The following GRID2 variants were observed in gnomAD, a reference collection of about 807,000 sequenced individuals.
GRID2 encodes glutamate receptor ionotropic, delta-2.
GRID2 carries 33 observed loss-of-function variants against 114.8 expected under a neutral mutation model. That is an observed-to-expected ratio of 0.29 (90% CI 0.22 to 0.38). The LOEUF is 0.38. Ranked by LOEUF, GRID2 falls within the 10% of genes least tolerant of loss-of-function variation. GRID2 has a pLI of 1.00. For synonymous variants in GRID2, 505 were observed against 449.9 expected (o/e 1.12, Z -1.55); for missense variants, 1,184 against 1,257.7 (o/e 0.94, Z 0.89).
chr4:92,408,431 C>CTTTTTTT (rs35638036), intron 1 of GRID2, among the ~76,000 whole-genome samples: 13 of 19,422 alleles, frequency 6.7e-4, no homozygotes, highest in Non-Finnish European at 7.9e-4. Flanking sequence ...TATTCAAGCT[C>CTTTTTTT]TTTTTTTTTT....
chr4:92,596,953 G>A (rs188308169), intron 2 of GRID2, among the ~76,000 whole-genome samples: 3 of 152,140 alleles, frequency 2.0e-5, no homozygotes, highest in Admixed American at 1.3e-4. Flanking sequence ...CCATGAAAAA[G>A]CATGCCGTTC....
intron 8 of GRID2, among the ~76,000 whole-genome samples, chr4:93,355,498 G>A (rs560536693): frequency 4.4e-4 from 67 of 152,202 alleles, no homozygotes; most frequent in African/African-American, 1.5e-3. Flanking sequence ...TCAAGAGCAA[G>A]TGTTCCAAGA....
At chr4:92,575,694 C>T (rs1054043694) in intron 1 of GRID2, among the ~76,000 whole-genome samples, 1 of 152,164 alleles carries the variant, frequency 6.6e-6, no homozygotes. Context: ...TGACTGGTTG[C>T]CAGCCTGAAC....
chr4:92,921,074 C>A (rs1164700711), intron 2 of GRID2, among the ~76,000 whole-genome samples: 1 of 152,058 alleles, frequency 6.6e-6, no homozygotes, highest in South Asian at 2.1e-4. Flanking sequence ...CTCTAAACTT[C>A]TCTTTTAGCT....
chr4:93,091,833 A>G (rs542001942), intron 3 of GRID2, among the ~76,000 whole-genome samples: 8 of 152,256 alleles, frequency 5.3e-5, no homozygotes, highest in Admixed American at 4.6e-4. Context: ...CTGAAACATA[A>G]TTGAGTCCAA....
Position 92,595,421 on chromosome 4 carries a change from C to G in GRID2, c.244+5135C>G, listed in dbSNP as rs567227641. On this transcript the variant is annotated intron_variant, in intron 2 of 15. Transcript: ENST00000282020. ...TGTTGTGATGCTGGAAATATGAACA[C>G]AAAATAAATGATATTTTTAATATAT... is the stretch of plus-strand genomic sequence containing the variant. Among the ~76,000 whole-genome samples the G allele has an allele frequency of 2.0e-5, 3 of 151,814 alleles. No homozygotes were observed. In the South Asian group the frequency reaches 6.2e-4, roughly 32 times the overall value.
chr4:93,566,712 G>A (rs1735457894), intron 13 of GRID2, among the ~76,000 whole-genome samples: 1 of 152,106 alleles, frequency 6.6e-6, no homozygotes, highest in African/African-American at 2.4e-5. Flanking sequence ...GGGGGTTGCA[G>A]TGAGCCAAGC....
intron 10 of GRID2, among the ~76,000 whole-genome samples, chr4:93,434,466 A>T (rs1285909043): frequency 6.6e-6 from 1 of 152,112 alleles, no homozygotes; most frequent in Non-Finnish European, 1.5e-5. Flanking sequence ...ATATAAAAAA[A>T]ATTTAAAAAA....
intron 2 of GRID2, among the ~76,000 whole-genome samples, chr4:92,990,343 G>T (rs1754811377): frequency 6.7e-6 from 1 of 149,324 alleles, no homozygotes; most frequent in Non-Finnish European, 1.5e-5. Flanking sequence ...TTTTTTTTGA[G>T]ATAGAGTCTT....
intron 5 of GRID2, among the ~76,000 whole-genome samples, chr4:93,214,417 C>T (rs908672265): frequency 1.3e-5 from 2 of 151,884 alleles, no homozygotes; most frequent in Non-Finnish European, 1.5e-5. Context: ...TCGAAATGCC[C>T]CTTTTGAAAT....
chr4:93,416,292 G>T (rs2149359485), intron 9 of GRID2, among the ~76,000 whole-genome samples: 1 of 152,022 alleles, frequency 6.6e-6, no homozygotes, highest in East Asian at 1.9e-4. Context: ...GAAGAACAGT[G>T]GCCATTAATT....
chr4:93,678,517 C>A (rs568132730), intron 14 of GRID2, among the ~76,000 whole-genome samples: 3 of 152,064 alleles, frequency 2.0e-5, no homozygotes, highest in East Asian at 3.9e-4. Flanking sequence ...ATGTTAAGGG[C>A]AGCCAGAGAG....
At chr4:93,491,843 G>A (rs988446245) in intron 12 of GRID2, among the ~76,000 whole-genome samples, 2 of 151,750 alleles carry the variant, frequency 1.3e-5, no homozygotes, top group Non-Finnish European at 1.5e-5. Context: ...TAAATAAATA[G>A]GGTATTATTT....
intron 4 of GRID2, among the ~76,000 whole-genome samples, chr4:93,172,571 G>A (rs193057454): frequency 4.0e-5 from 6 of 151,590 alleles, no homozygotes; most frequent in East Asian, 3.9e-4. Flanking sequence ...CAGCCTGGGC[G>A]ACAGGGCGAG....
At chr4:92,717,713 T>A (rs1735616510) in intron 2 of GRID2, among the ~76,000 whole-genome samples, 1 of 152,184 alleles carries the variant, frequency 6.6e-6, no homozygotes, top group African/African-American at 2.4e-5. Flanking sequence ...CAAAATGTAT[T>A]TTCTTGTTCA....
intron 2 of GRID2, among the ~76,000 whole-genome samples, chr4:92,863,100 G>T (rs568702430): frequency 2.6e-5 from 4 of 152,014 alleles, no homozygotes; most frequent in African/African-American, 9.7e-5. Context: ...GGAGTTATGC[G>T]TTGTGCAGAA....
chr4:92,944,735 T>C (rs1349061626), intron 2 of GRID2, among the ~76,000 whole-genome samples: 1 of 152,232 alleles, frequency 6.6e-6, no homozygotes, highest in Non-Finnish European at 1.5e-5. Context: ...ATTTTTTAAA[T>C]CTACATAAAC....
intron 2 of GRID2, among the ~76,000 whole-genome samples, chr4:92,759,585 T>C (rs1578153321): frequency 6.6e-6 from 1 of 152,118 alleles, no homozygotes; most frequent in Non-Finnish European, 1.5e-5. Context: ...TGTGTATATG[T>C]GTATCATCTA....
At chr4:93,544,773 C>A (rs1237465113) in intron 13 of GRID2, among the ~76,000 whole-genome samples, 1 of 140,162 alleles carries the variant, frequency 7.1e-6, no homozygotes, top group African/African-American at 2.7e-5. Context: ...GCAAAACTCC[C>A]TCTGGAAAAA....
Sources: gnomAD v4.1 joint callset for allele counts (sites outside exome capture counted in the v4.1 genomes callset) on GRCh38, gnomAD v4.1.1 for gene constraint, MANE v1.5 for transcripts, NCBI Gene and HGNC (gene_info 2026-07-23, HGNC 2026-07-21) for gene names.